Variants in EXD3 observed in about 807,000 individuals in gnomAD.
The protein encoded by EXD3 is exonuclease 3'-5' domain containing 3.
Under a neutral mutation model 98.0 loss-of-function variants are expected in EXD3, and 92 were observed. That is an observed-to-expected ratio of 0.94 (90% CI 0.79 to 1.12). The LOEUF (loss-of-function observed/expected upper bound fraction) is 1.12. EXD3 is among the 50% of genes most tolerant of loss of function. The pLI, the probability that EXD3 is intolerant of heterozygous loss-of-function variation, is 0.00. For missense variants in EXD3, 1,222 were observed against 1,191.6 expected (o/e 1.03, Z -0.38); for synonymous variants, 569 against 526.0 (o/e 1.08, Z -1.12).
chr9:137,329,987 C>G (rs377274540), intron 17 of EXD3, among the ~76,000 whole-genome samples: 1 of 135,528 alleles, frequency 7.4e-6, no homozygotes, highest in Non-Finnish European at 1.5e-5. Context: ...CGGGACTACA[C>G]AGGACTACAC....
At chr9:137,313,495 C>T (rs1176713246) in intron 19 of EXD3, among the ~76,000 whole-genome samples, 1 of 152,114 alleles carries the variant, frequency 6.6e-6, no homozygotes, top group Non-Finnish European at 1.5e-5. Context: ...GACATGACCC[C>T]CTGAGAAGGT....
chr9:137,418,924 G>T (rs907851687), intron 1 of EXD3, among the ~76,000 whole-genome samples: 2 of 152,116 alleles, frequency 1.3e-5, no homozygotes, highest in Non-Finnish European at 2.9e-5. Flanking sequence ...TAAATGAATG[G>T]CTTATTTTAC....
intron 1 of EXD3, among the ~76,000 whole-genome samples, chr9:137,419,999 A>T (rs1838433063): frequency 6.6e-6 from 1 of 151,988 alleles, no homozygotes; most frequent in Non-Finnish European, 1.5e-5. Context: ...CTCTACTAAA[A>T]ATACAAAAAA....
chr9:137,312,430 C>A (rs998798005), intron 19 of EXD3, among the ~76,000 whole-genome samples: 2 of 152,204 alleles, frequency 1.3e-5, no homozygotes, highest in Non-Finnish European at 2.9e-5. Flanking sequence ...AGCCCTGACA[C>A]AGGGCACTTC....
At chr9:137,401,231 G>A (rs1837468765) in intron 1 of EXD3, among the ~76,000 whole-genome samples, 1 of 143,530 alleles carries the variant, frequency 7.0e-6, no homozygotes. Flanking sequence ...TCAGCTCACT[G>A]CAAGCTCCAC....
At chr9:137,329,493 GGGGTCACACGGGA>G (rs1832816325) in intron 17 of EXD3, among the ~76,000 whole-genome samples, 1 of 11,316 alleles carries the variant, frequency 8.8e-5, no homozygotes, top group Non-Finnish European at 1.6e-4. Flanking sequence ...GGGACTACAC[GGGGTCACACGGGA>G]CTACACGGGA....
intron 19 of EXD3, among the ~76,000 whole-genome samples, chr9:137,321,921 GC>G (rs1832052531): frequency 6.6e-6 from 1 of 152,200 alleles, no homozygotes; most frequent in African/African-American, 2.4e-5. Flanking sequence ...CCCCAGACTG[GC>G]CATGCCCAGG....
At chr9:137,382,185 C>CGCGCGGAGGAGGTGAGGGT in intron 3 of EXD3, among the ~76,000 whole-genome samples, 1 of 150,922 alleles carries the variant, frequency 6.6e-6, no homozygotes, top group East Asian at 2.0e-4. Flanking sequence ...GAGGTGAGGG[C>CGCGCGGAGGAGGTGAGGGT]GCGCGGAGGA....
chr9:137,307,675 G>GAAGA (rs1199330713), intron 20 of EXD3, 29 bp from the exon 21 acceptor site: 4 of 1,606,732 alleles, frequency 2.5e-6, no homozygotes, highest in Non-Finnish European at 3.4e-6. Context: ...AGCTGGTCCG[G>GAAGA]GACTGTCCTA....
chr9:137,386,202 G>T (rs1229729441), intron 2 of EXD3, among the ~76,000 whole-genome samples: 1 of 152,066 alleles, frequency 6.6e-6, no homozygotes, highest in Non-Finnish European at 1.5e-5. Context: ...GCTGGGGTGG[G>T]AGCATGGCTG....
At chr9:137,343,561 A>G (rs911978835) in intron 17 of EXD3, 4 of 126,322 alleles carry the variant, frequency 3.2e-5, no homozygotes, top group African/African-American at 1.2e-4. Context: ...ACATCTCACC[A>G]TGGACTACTG....
chr9:137,370,168 C>T (rs1055457767), intron 5 of EXD3, among the ~76,000 whole-genome samples: 1 of 152,142 alleles, frequency 6.6e-6, no homozygotes, highest in Non-Finnish European at 1.5e-5. Flanking sequence ...AGGAAGCTCC[C>T]TGGCCTGACC....
At chr9:137,373,676 G>A in intron 3 of EXD3, 77 bp from the exon 4 acceptor site, 4 of 1,405,610 alleles carry the variant, frequency 2.8e-6, no homozygotes. Context: ...ACCGCAGAGA[G>A]GTTTTTTAAA....
chr9:137,330,881 ACAT>A (rs1467305728), intron 17 of EXD3, among the ~76,000 whole-genome samples: 4 of 152,220 alleles, frequency 2.6e-5, no homozygotes, highest in African/African-American at 4.8e-5. Flanking sequence ...AGTGGTCCAC[ACAT>A]CATCAACACT....
chr9:137,415,293 T>C (rs1283707743), intron 1 of EXD3, among the ~76,000 whole-genome samples: 2 of 151,572 alleles, frequency 1.3e-5, no homozygotes, highest in African/African-American at 4.9e-5. Context: ...AACCTCCGCC[T>C]CCCGGGTTCA....
intron 10 of EXD3, 87 bp from the exon 11 acceptor site, chr9:137,352,873 C>G: frequency 2.0e-6 from 3 of 1,486,086 alleles, no homozygotes; most frequent in Non-Finnish European, 2.7e-6. Context: ...AGACCCCGAC[C>G]TTGCAGACTG....
intron 3 of EXD3, among the ~76,000 whole-genome samples, chr9:137,378,089 G>T (rs1327154093): frequency 6.6e-6 from 1 of 151,954 alleles, no homozygotes; most frequent in Non-Finnish European, 1.5e-5. Flanking sequence ...CACTGCACTT[G>T]GCTGAAATTT....
chr9:137,392,727 G>A, intron 2 of EXD3: 1 of 357,672 alleles, frequency 2.8e-6, no homozygotes, highest in South Asian at 2.1e-5. Context: ...TGTTCCAGGA[G>A]CACCAGGCTG....
intron 17 of EXD3, among the ~76,000 whole-genome samples, chr9:137,326,138 A>G (rs1466850010): frequency 6.6e-6 from 1 of 151,820 alleles, no homozygotes; most frequent in Admixed American, 6.6e-5. Flanking sequence ...CTGGCGCTGT[A>G]TTTGGCCAGG....
Sources: allele counts gnomAD v4.1 joint callset (sites outside exome capture counted in the v4.1 genomes callset), GRCh38; gene constraint gnomAD v4.1.1; transcripts MANE v1.5; gene names NCBI Gene and HGNC (gene_info 2026-07-23, HGNC 2026-07-21).